The following RORA variants were observed in gnomAD, a reference collection of about 807,000 sequenced individuals.
RORA encodes the protein RAR related orphan receptor A.
RORA carries 7 observed loss-of-function variants against 69.5 expected under a neutral mutation model. That is an observed-to-expected ratio of 0.10 (90% CI 0.06 to 0.19). The LOEUF (loss-of-function observed/expected upper bound fraction) is 0.19, where lower values mean the gene tolerates loss of function less well. Among genes scored for constraint, RORA ranks in the 10% least tolerant of loss-of-function variants. RORA has a pLI of 1.00. For synonymous variants in RORA, 261 were observed against 240.8 expected (o/e 1.08, Z -0.78); for missense variants, 457 against 663.0 (o/e 0.69, Z 3.41).
intron 1 of RORA, among the ~76,000 whole-genome samples, chr15:61,050,683 G>T (rs1399755504): frequency 6.6e-6 from 1 of 152,188 alleles, no homozygotes; most frequent in Non-Finnish European, 1.5e-5. Flanking sequence ...AGAGTCAGGG[G>T]TTGGTCTTGG....
At chr15:60,767,388 C>T (rs1445707797) in intron 1 of RORA, among the ~76,000 whole-genome samples, 2 of 152,180 alleles carry the variant, frequency 1.3e-5, no homozygotes, top group African/African-American at 4.8e-5. Context: ...CTCATTTGAT[C>T]TTCTAAACAC....
At chr15:60,827,922 A>G (rs1196128878) in intron 1 of RORA, among the ~76,000 whole-genome samples, 2 of 152,218 alleles carry the variant, frequency 1.3e-5, no homozygotes, top group African/African-American at 4.8e-5. Context: ...CCGCTCATTC[A>G]TGTTAGTAAC....
chr15:60,840,771 A>G lies in RORA; in HGVS notation c.167-162085T>C, dbSNP rs150599059. Among the ~76,000 whole-genome samples, 663 of 152,242 alleles carry G rather than the reference A, an allele frequency of 4.4e-3. 8 individuals are homozygous for G. The highest frequency in any genetic ancestry group is 0.01 in the Middle Eastern group (3 of 294). ...GCTTCTGGTTTGTGACAAGGGGAGG[A>G]TGCCTTCATTATCCCCTAATCCTGT... On this transcript the variant is annotated intron_variant, in intron 1 of 10. Transcript: ENST00000335670.
chr15:60,676,541 G>T (rs1261085633), intron 2 of RORA, among the ~76,000 whole-genome samples: 1 of 152,134 alleles, frequency 6.6e-6, no homozygotes, highest in Non-Finnish European at 1.5e-5. Flanking sequence ...TTATATAAAA[G>T]GAGCTTTAAG....
At position 60,558,533 on chromosome 15, in the gene RORA, T is replaced by C. The variant is rs1595972371; in HGVS notation, c.197-26682A>G. On this transcript the variant is annotated intron_variant, in intron 2 of 10. Transcript: ENST00000335670. ...ATTGTGGTTAAATGCGTATGTTTGA[T>C]GTTTCTTTGAATTTTAATAGTAATT... The C allele has an allele frequency of 1.6e-5, 7 of 427,384 alleles. No individual in the cohort carries two copies. In the East Asian group the frequency reaches 2.8e-4, roughly 17 times the overall value. 26.5% of individuals were successfully genotyped at this position (427,384 alleles called of 1,614,324 possible). A position where few individuals can be genotyped will look rare whatever the true frequency, so the allele number is the denominator to read the frequency against.
chr15:60,954,302 G>A (rs1278107567), intron 1 of RORA, among the ~76,000 whole-genome samples: 1 of 121,788 alleles, frequency 8.2e-6, no homozygotes, highest in African/African-American at 3.1e-5. Flanking sequence ...TGGGGTGGGG[G>A]GTGGGGGGAG....
chr15:61,223,300 C>T (rs988244294), intron 1 of RORA, among the ~76,000 whole-genome samples: 4 of 110,202 alleles, frequency 3.6e-5, no homozygotes, highest in Admixed American at 1.4e-4. Context: ...GGAGACACAG[C>T]GAAGACTCTG....
intron 1 of RORA, among the ~76,000 whole-genome samples, chr15:60,850,854 G>A (rs1005614409): frequency 6.6e-6 from 1 of 152,168 alleles, no homozygotes; most frequent in Non-Finnish European, 1.5e-5. Context: ...ATGTTTCAAT[G>A]AAAGACAAGG....
At position 60,639,156 on chromosome 15, in the gene RORA, C is replaced by G. The variant is rs113431499; in HGVS notation, c.196+39501G>C. 7.3e-3 allele frequency among the ~76,000 whole-genome samples: 1,116 copies of G among 151,996 alleles called. 5 individuals are homozygous for G. Among genetic ancestry groups the G allele is most frequent in the African/African-American group, 0.022 (902 of 41,438 alleles). ...CCTGCTGCAGTTTTTTCACCACCCC[C>G]CTCCTCCCCGTTTCAATCAGGCAAG... On this transcript the variant is annotated intron_variant, in intron 2 of 10. Transcript: ENST00000335670.
At chr15:60,570,937 A>G (rs142500314) in intron 2 of RORA, among the ~76,000 whole-genome samples, 69 of 152,298 alleles carry the variant, frequency 4.5e-4, no homozygotes, top group African/African-American at 1.6e-3. Flanking sequence ...ATGATCCTAC[A>G]TGTGCAATAA....
chr15:60,754,689 C>T (rs1174468457), intron 1 of RORA, among the ~76,000 whole-genome samples: 2 of 152,134 alleles, frequency 1.3e-5, no homozygotes, highest in Non-Finnish European at 2.9e-5. Context: ...TTCCAAATCC[C>T]ATAGACTGTC....
At chr15:61,134,721 T>C (rs1417763239) in intron 1 of RORA, among the ~76,000 whole-genome samples, 1 of 152,122 alleles carries the variant, frequency 6.6e-6, no homozygotes, top group Non-Finnish European at 1.5e-5. Flanking sequence ...CTTGTTCTGG[T>C]TGTCCTTGGC....
intron 2 of RORA, among the ~76,000 whole-genome samples, chr15:60,557,914 G>T (rs1243776435): frequency 6.6e-6 from 1 of 152,118 alleles, no homozygotes; most frequent in Non-Finnish European, 1.5e-5. Flanking sequence ...TCTAAATTAT[G>T]ACCTATTTCT....
At chr15:61,002,586 A>C (rs1894777121) in intron 1 of RORA, among the ~76,000 whole-genome samples, 1 of 152,204 alleles carries the variant, frequency 6.6e-6, no homozygotes, top group Admixed American at 6.5e-5. Context: ...AGCGTCTCCA[A>C]ATGCAGCCTA....
intron 1 of RORA, among the ~76,000 whole-genome samples, chr15:61,192,458 A>C (rs1487073748): frequency 6.6e-6 from 1 of 152,202 alleles, no homozygotes; most frequent in Non-Finnish European, 1.5e-5. Flanking sequence ...CCATTCACCA[A>C]CAATGACATA....
chr15:60,766,678 T>G (rs1297190091), intron 1 of RORA, among the ~76,000 whole-genome samples: 1 of 152,160 alleles, frequency 6.6e-6, no homozygotes, highest in East Asian at 1.9e-4. Flanking sequence ...GCACTTTTTT[T>G]TTTTTTCCCA....
At chr15:61,193,771 T>G (rs2079822132) in intron 1 of RORA, among the ~76,000 whole-genome samples, 1 of 152,182 alleles carries the variant, frequency 6.6e-6, no homozygotes, top group Non-Finnish European at 1.5e-5. Context: ...CCAGAGAGGC[T>G]CAATCATTTT....
At chr15:60,742,947 G>A (rs867044158) in intron 1 of RORA, among the ~76,000 whole-genome samples, 29 of 150,978 alleles carry the variant, frequency 1.9e-4, no homozygotes, top group Middle Eastern at 6.8e-3. Flanking sequence ...ATTCTGCAAT[G>A]AAAATGGGGA....
At chr15:60,906,811 G>A (rs1891556972) in intron 1 of RORA, among the ~76,000 whole-genome samples, 1 of 152,104 alleles carries the variant, frequency 6.6e-6, no homozygotes, top group Non-Finnish European at 1.5e-5. Flanking sequence ...ACTTGTACCT[G>A]CATTTTTCAA....
Sources: allele counts gnomAD v4.1 joint callset (sites outside exome capture counted in the v4.1 genomes callset), GRCh38; gene constraint gnomAD v4.1.1; transcripts MANE v1.5; gene names NCBI Gene and HGNC (gene_info 2026-07-23, HGNC 2026-07-21).